The following PTPRE variants were observed in gnomAD, a reference collection of about 807,000 sequenced individuals.
The protein encoded by PTPRE is protein tyrosine phosphatase receptor type E, also known as receptor-type tyrosine-protein phosphatase epsilon.
In PTPRE, 51 loss-of-function variants were observed where a neutral mutation model predicts 102.0. The ratio of observed to expected loss-of-function variants is 0.50; its 90% CI spans 0.40 to 0.63. The LOEUF is 0.63. PTPRE is among the 30% of genes least tolerant of loss of function. The pLI is 0.00. For synonymous variants in PTPRE, 345 were observed against 348.2 expected (o/e 0.99, Z 0.10); for missense variants, 752 against 915.1 (o/e 0.82, Z 2.30).
chr10:128,017,836 G>A (rs11016014), intron 2 of PTPRE, among the ~76,000 whole-genome samples: 7 of 152,302 alleles, frequency 4.6e-5, no homozygotes, highest in Non-Finnish European at 7.4e-5. Context: ...GGTACAGGAG[G>A]TGGGTAGGCC....
chr10:127,960,512 G>A (rs573497625), intron 1 of PTPRE, among the ~76,000 whole-genome samples: 12 of 152,190 alleles, frequency 7.9e-5, no homozygotes, highest in African/African-American at 2.4e-4. Flanking sequence ...TCTGGCAGCC[G>A]TGCCTCCCCC....
chr10:128,032,979 TTGA>T (rs1368245984), intron 2 of PTPRE, among the ~76,000 whole-genome samples: 1 of 142,832 alleles, frequency 7.0e-6, no homozygotes, highest in Non-Finnish European at 1.5e-5. Context: ...TTCCAGAAAG[TTGA>T]TGATAATGTT....
At chr10:127,949,657 A>G (rs1307104786) in intron 1 of PTPRE, among the ~76,000 whole-genome samples, 2 of 152,214 alleles carry the variant, frequency 1.3e-5, no homozygotes, top group East Asian at 3.9e-4. Context: ...GATGAGAGAA[A>G]GGGGTGAGCT....
At chr10:128,010,006 C>T (rs376761791) in intron 2 of PTPRE, among the ~76,000 whole-genome samples, 2 of 152,260 alleles carry the variant, frequency 1.3e-5, no homozygotes, top group East Asian at 3.9e-4. Context: ...CTCACAGGGG[C>T]ACGTGGTCAC....
At chr10:128,004,222 G>A (rs1854279767) in intron 2 of PTPRE, among the ~76,000 whole-genome samples, 1 of 151,230 alleles carries the variant, frequency 6.6e-6, no homozygotes, top group South Asian at 2.1e-4. Flanking sequence ...GCCAGGCTGA[G>A]GAGGGTGCCC....
At chr10:128,043,398 C>G (rs1012234049) in intron 3 of PTPRE, among the ~76,000 whole-genome samples, 3 of 152,188 alleles carry the variant, frequency 2.0e-5, no homozygotes, top group Non-Finnish European at 4.4e-5. Context: ...ATAGGGCTCA[C>G]GGTCCTGTAA....
At chr10:127,927,166 G>C (rs1847087253) in intron 1 of PTPRE, among the ~76,000 whole-genome samples, 1 of 152,034 alleles carries the variant, frequency 6.6e-6, no homozygotes, top group Non-Finnish European at 1.5e-5. Context: ...GACAATGGCA[G>C]GCAGGTACAC....
In PTPRE at chr10:128,069,786, T is replaced by C; in HGVS notation, c.1102T>C (p.Ser368Pro). Reference sequence around the variant, plus strand: ...GAAGGTGGATGTGTTTGAATTTGTGTCTCGAATCCGTAATCAGCGCCCTCA... The same window carrying C: ...GAAGGTGGATGTGTTTGAATTTGTGCCTCGAATCCGTAATCAGCGCCCTCA... The part of the protein sequence containing the change: ...EQKVDVFEFV[S>P]RIRNQRPQMV... The change falls in exon 13 of 21, where the codon TCT (serine) becomes CCT (proline). Residue 368 changes from serine to proline, a missense_variant. Ser to Pro is a moderately conservative substitution (Grantham distance 74). This residue lies in a region of PTPRE where 636 missense variants were observed against 824.4 expected (regional missense o/e 0.77). Coordinates refer to ENST00000254667, the MANE Select transcript of PTPRE (RefSeq NM_006504.6). 1 of 1,614,222 alleles carries C rather than the reference T, an allele frequency of 6.2e-7. No individual in the cohort carries two copies. The highest frequency in any genetic ancestry group is 8.5e-7 in the Non-Finnish European group (1 of 1,180,044).
At chr10:127,994,034 A>G (rs981545118) in intron 2 of PTPRE, among the ~76,000 whole-genome samples, 2 of 152,212 alleles carry the variant, frequency 1.3e-5, no homozygotes. Context: ...TTGCCCCACC[A>G]GAGTTCCCTC....
chr10:127,917,402 C>T (rs1452541759), intron 1 of PTPRE, among the ~76,000 whole-genome samples: 1 of 152,106 alleles, frequency 6.6e-6, no homozygotes, highest in African/African-American at 2.4e-5. Flanking sequence ...GCTTACAGGG[C>T]CAGGTGCAGT....
intron 1 of PTPRE, among the ~76,000 whole-genome samples, chr10:127,981,591 G>A (rs1239289056): frequency 6.6e-6 from 1 of 152,154 alleles, no homozygotes; most frequent in African/African-American, 2.4e-5. Flanking sequence ...CCCGAGGCGA[G>A]CAGATCACTT....
chr10:127,945,452 T>C (rs1463034267), intron 1 of PTPRE, among the ~76,000 whole-genome samples: 1 of 152,172 alleles, frequency 6.6e-6, no homozygotes, highest in Non-Finnish European at 1.5e-5. Context: ...TGCTCTGGGC[T>C]CTCCTTTGAG....
chr10:127,967,957 A>G (rs189260520), intron 1 of PTPRE, among the ~76,000 whole-genome samples: 78 of 152,088 alleles, frequency 5.1e-4, no homozygotes, highest in African/African-American at 1.9e-3. Flanking sequence ...TTGCCTAGCT[A>G]TTCAATGAAT....
At chr10:127,921,095 G>T (rs1182274150) in intron 1 of PTPRE, among the ~76,000 whole-genome samples, 3 of 152,324 alleles carry the variant, frequency 2.0e-5, no homozygotes, top group Non-Finnish European at 2.9e-5. Flanking sequence ...AGCTCCTTTG[G>T]CAAGTGTCCT....
In PTPRE at chr10:128,068,456, G is replaced by C; in HGVS notation, c.1007+170G>C. 6.0e-6 allele frequency: 4 copies of C among 665,196 alleles called. No homozygotes were observed. In the South Asian group the frequency reaches 1.2e-4, roughly 20 times the overall value. 41.2% of individuals were successfully genotyped at this position (665,196 alleles called of 1,614,324 possible). A position where few individuals can be genotyped will look rare whatever the true frequency, so the allele number is the denominator to read the frequency against. On this transcript the variant is annotated intron_variant, in intron 12 of 20. Coordinates refer to ENST00000254667, the MANE Select transcript of PTPRE (RefSeq NM_006504.6). Reference sequence around the variant, plus strand: ...GCCAGGCCCCAAGAACCCTACAGGAGAATGTTCAGAGAGCCCCCTCTTCAT... The same window carrying C: ...GCCAGGCCCCAAGAACCCTACAGGACAATGTTCAGAGAGCCCCCTCTTCAT...
intron 3 of PTPRE, among the ~76,000 whole-genome samples, chr10:128,044,776 C>T (rs1460712824): frequency 2.0e-5 from 3 of 152,208 alleles, no homozygotes; most frequent in Non-Finnish European, 4.4e-5. Flanking sequence ...TCTCAGATGA[C>T]TCCCTGACTC....
intron 2 of PTPRE, among the ~76,000 whole-genome samples, chr10:128,019,927 A>T (rs1845731430): frequency 6.6e-6 from 1 of 152,148 alleles, no homozygotes; most frequent in Admixed American, 6.5e-5. Context: ...CGGTACAGTG[A>T]TTGTTATTAA....
chr10:127,940,518 C>A (rs945976279), intron 1 of PTPRE, among the ~76,000 whole-genome samples: 14 of 152,094 alleles, frequency 9.2e-5, no homozygotes, highest in Admixed American at 6.5e-5. Flanking sequence ...CCTGCACTGG[C>A]AGAGTCCCCC....
At position 128,037,526 on chromosome 10, in the gene PTPRE, T is replaced by C. The variant is rs57098018; in HGVS notation, c.-7-3349T>C. 0.013 allele frequency among the ~76,000 whole-genome samples: 1,933 copies of C among 152,296 alleles called. 174 individuals carry two copies. The East Asian group carries it at 0.24, about 19-fold the overall frequency. On this transcript the variant is annotated intron_variant, in intron 2 of 20. Coordinates refer to ENST00000254667, the MANE Select transcript of PTPRE (RefSeq NM_006504.6). ...CTACTTTAGGGCTGAAACAAGACTA[T>C]ATTCTTTGCATCTCTGGGGCTTACC... is the stretch of plus-strand genomic sequence containing the variant.
Sources: allele counts gnomAD v4.1 joint callset (sites outside exome capture counted in the v4.1 genomes callset), GRCh38; gene constraint gnomAD v4.1.1; regional missense constraint gnomAD v4.1.1; transcripts MANE v1.5; gene names NCBI Gene and HGNC (gene_info 2026-07-23, HGNC 2026-07-21).